LRRC4C: variants seen among roughly 807,000 people sequenced by gnomAD.
LRRC4C encodes leucine-rich repeat-containing protein 4C.
In LRRC4C, 5 loss-of-function variants were observed where a neutral mutation model predicts 33.6. The observed-to-expected ratio is 0.15, with a 90% CI of 0.08 to 0.31. The LOEUF (loss-of-function observed/expected upper bound fraction) is 0.31, where lower values mean the gene tolerates loss of function less well. Ranked by LOEUF, LRRC4C falls within the 10% of genes least tolerant of loss-of-function variation. The pLI, the probability that LRRC4C is intolerant of heterozygous loss-of-function variation, is 1.00. For missense variants in LRRC4C, 560 were observed against 796.7 expected, an observed-to-expected ratio of 0.70 and a Z score of 3.58; for synonymous variants, 329 against 302.0, an observed-to-expected ratio of 1.09 and a Z score of -0.93.
chr11:40,858,090 C>T (rs1953890206), intron 2 of LRRC4C, among the ~76,000 whole-genome samples: 1 of 151,784 alleles, frequency 6.6e-6, no homozygotes, highest in South Asian at 2.1e-4. Flanking sequence ...GTGTTAACTA[C>T]TGCCCAATAA....
intron 2 of LRRC4C, among the ~76,000 whole-genome samples, chr11:40,788,279 A>C (rs890175645): frequency 5.3e-5 from 8 of 151,606 alleles, no homozygotes; most frequent in Non-Finnish European, 1.2e-4. Context: ...GTAATATTCA[A>C]CCTCAATAAA....
chr11:40,769,274 G>A (rs988996976), intron 2 of LRRC4C, among the ~76,000 whole-genome samples: 1 of 152,010 alleles, frequency 6.6e-6, no homozygotes, highest in East Asian at 1.9e-4. Flanking sequence ...CTGATGCAAA[G>A]AAATGAAAAA....
intron 3 of LRRC4C, among the ~76,000 whole-genome samples, chr11:40,342,121 C>T (rs1397850885): frequency 6.6e-6 from 1 of 151,964 alleles, no homozygotes; most frequent in African/African-American, 2.4e-5. Flanking sequence ...CAGTTTTTCC[C>T]CAAAATATTA....
At chr11:40,766,083 G>GA (rs57310532) in intron 2 of LRRC4C, among the ~76,000 whole-genome samples, 1,543 of 138,742 alleles carry the variant, frequency 0.011, 29 homozygotes, top group East Asian at 0.05. Flanking sequence ...AAAGCAGCAA[G>GA]AAAAAAAAAA....
intron 3 of LRRC4C, among the ~76,000 whole-genome samples, chr11:40,422,303 A>G (rs1950550009): frequency 6.6e-6 from 1 of 152,220 alleles, no homozygotes; most frequent in South Asian, 2.1e-4. Flanking sequence ...GATCAAAGGT[A>G]CATTGGTGAG....
intron 3 of LRRC4C, among the ~76,000 whole-genome samples, chr11:40,582,209 C>G (rs532152918): frequency 6.6e-6 from 1 of 152,018 alleles, no homozygotes; most frequent in East Asian, 1.9e-4. Flanking sequence ...AACATTTTTA[C>G]GTAAGGTTTT....
At chr11:41,168,520 C>T (rs1472266912) in intron 1 of LRRC4C, among the ~76,000 whole-genome samples, 1 of 152,120 alleles carries the variant, frequency 6.6e-6, no homozygotes, top group Non-Finnish European at 1.5e-5. Flanking sequence ...CTAATCTGTA[C>T]TTAATGATAA....
At chr11:40,375,753 C>T (rs1324353928) in intron 3 of LRRC4C, among the ~76,000 whole-genome samples, 1 of 152,168 alleles carries the variant, frequency 6.6e-6, no homozygotes, top group Non-Finnish European at 1.5e-5. Context: ...CACAGATTCA[C>T]TTCCTGTTCT....
At position 40,115,291 on chromosome 11, in the gene LRRC4C, G is replaced by T; in HGVS notation, c.1002C>A (p.Pro334=). The change falls in exon 7 of 7, where the codon CCC becomes CCA. Residue 334 remains proline (P), a synonymous_variant. Coordinates refer to ENST00000528697, the MANE Select transcript of LRRC4C (RefSeq NM_001258419.2). The surrounding 1 kb of genome is among the most constrained non-coding windows in gnomAD (Gnocchi z 6.7). ...CTCCAATGTACCTCCCCTTTAGATT[G>T]GGAGGAGTGTTACACCGGGCACAAC... ...TACCARCNTP[P]NLKGRYIGEL... 1 of 1,614,146 alleles carries T rather than the reference G, an allele frequency of 6.2e-7. No homozygotes were observed. Among genetic ancestry groups the T allele is most frequent in the Non-Finnish European group, 8.5e-7 (1 of 1,180,020 alleles).
chr11:40,522,299 G>A (rs1343490510), intron 3 of LRRC4C, among the ~76,000 whole-genome samples: 4 of 152,226 alleles, frequency 2.6e-5, no homozygotes, highest in Non-Finnish European at 4.4e-5. Flanking sequence ...CAAAGTGCTG[G>A]AATTATAGGC....
intron 2 of LRRC4C, among the ~76,000 whole-genome samples, chr11:40,877,399 G>T (rs1018819084): frequency 5.3e-5 from 8 of 152,100 alleles, no homozygotes; most frequent in African/African-American, 1.9e-4. Flanking sequence ...TGAAAAATAT[G>T]CCACACAAAA....
chr11:40,214,331 G>C (rs1219851878), intron 5 of LRRC4C, among the ~76,000 whole-genome samples: 1 of 152,098 alleles, frequency 6.6e-6, no homozygotes. Flanking sequence ...ATTCTTGCGA[G>C]ACTGTCTTGT....
At chr11:41,178,090 T>C (rs1010790156) in intron 1 of LRRC4C, among the ~76,000 whole-genome samples, 19 of 152,182 alleles carry the variant, frequency 1.2e-4, no homozygotes, top group Admixed American at 9.2e-4. Flanking sequence ...ATTACATCAC[T>C]AAAGCATAAA....
At chr11:40,163,135 T>A (rs940799101) in intron 5 of LRRC4C, among the ~76,000 whole-genome samples, 1 of 152,242 alleles carries the variant, frequency 6.6e-6, no homozygotes, top group Non-Finnish European at 1.5e-5. Context: ...AAGCCATTGC[T>A]TGGAACGTTT....
chr11:40,600,181 C>T (rs1959838950), intron 3 of LRRC4C, among the ~76,000 whole-genome samples: 1 of 152,140 alleles, frequency 6.6e-6, no homozygotes, highest in Non-Finnish European at 1.5e-5. Context: ...GACTTAACAG[C>T]CACTCAATAA....
At chr11:41,080,438 G>A (rs1424675816) in intron 1 of LRRC4C, among the ~76,000 whole-genome samples, 2 of 141,014 alleles carry the variant, frequency 1.4e-5, no homozygotes, top group Non-Finnish European at 3.0e-5. Context: ...TGCAACCTCT[G>A]CCTCCTGGGT....
chr11:41,110,733 G>A (rs537907776), intron 1 of LRRC4C, among the ~76,000 whole-genome samples: 84 of 152,062 alleles, frequency 5.5e-4, no homozygotes, highest in African/African-American at 1.9e-3. Flanking sequence ...CTTCAGTCAC[G>A]TGATATTAAT....
intron 3 of LRRC4C, among the ~76,000 whole-genome samples, chr11:40,460,231 T>A (rs1240710577): frequency 6.6e-6 from 1 of 152,146 alleles, no homozygotes; most frequent in Non-Finnish European, 1.5e-5. Context: ...CATCAGGCAC[T>A]GTGCTACATG....
chr11:40,520,403 C>T (rs1029575971), intron 3 of LRRC4C, among the ~76,000 whole-genome samples: 2 of 152,104 alleles, frequency 1.3e-5, no homozygotes, highest in Non-Finnish European at 2.9e-5. Context: ...ATGTGTAACT[C>T]TTCTTTTCAC....
Sources: gnomAD v4.1 joint callset for allele counts (sites outside exome capture counted in the v4.1 genomes callset) on GRCh38, gnomAD v4.1.1 for gene constraint, Gnocchi (gnomAD v3.1) non-coding constraint, MANE v1.5 for transcripts, NCBI Gene and HGNC (gene_info 2026-07-23, HGNC 2026-07-21) for gene names.